The following PDE10A variants were observed in gnomAD, a reference collection of about 807,000 sequenced individuals.
The protein encoded by PDE10A is phosphodiesterase 10A.
A neutral mutation model predicts 97.7 loss-of-function variants in PDE10A; 39 were observed. The ratio of observed to expected loss-of-function variants is 0.40; its 90% confidence interval spans 0.31 to 0.52. The LOEUF is 0.52. Among genes scored for constraint, PDE10A ranks in the 20% least tolerant of loss-of-function variants. The pLI is 0.56. For synonymous variants in PDE10A, 371 were observed against 376.8 expected (o/e 0.98, Z 0.18); for missense variants, 731 against 1,047.8 (o/e 0.70, Z 4.17).
chr6:165,595,358 G>A (rs986200961), intron 1 of PDE10A, among the ~76,000 whole-genome samples: 8 of 152,180 alleles, frequency 5.3e-5, no homozygotes, highest in African/African-American at 1.2e-4. Flanking sequence ...AAGAAAACTG[G>A]CTCAATTATC....
intron 18 of PDE10A, among the ~76,000 whole-genome samples, chr6:165,367,184 T>G (rs1278976982): frequency 6.6e-6 from 1 of 151,106 alleles, no homozygotes; most frequent in African/African-American, 2.4e-5. Flanking sequence ...TAAAAATGAA[T>G]GAAAAGGAAA....
intron 1 of PDE10A, among the ~76,000 whole-genome samples, chr6:165,604,518 TAAAAA>T (rs34272357): frequency 1.5e-5 from 2 of 137,766 alleles, no homozygotes; most frequent in Non-Finnish European, 3.1e-5. Context: ...CTCTCTTTGT[TAAAAA>T]AAAAAAAAAA....
At chr6:165,936,942 G>T (rs167269) in intron 1 of PDE10A, among the ~76,000 whole-genome samples, 4 of 152,176 alleles carry the variant, frequency 2.6e-5, no homozygotes, top group African/African-American at 9.7e-5. Flanking sequence ...TAAGACCTTT[G>T]CTGTGAGTAT....
At chr6:165,723,652 A>G (rs553362675) in intron 1 of PDE10A, among the ~76,000 whole-genome samples, 2 of 152,326 alleles carry the variant, frequency 1.3e-5, no homozygotes, top group East Asian at 3.9e-4. Flanking sequence ...TTAGTTCTGT[A>G]CTTTAGAAAT....
chr6:165,940,784 G>A (rs1187531478), intron 1 of PDE10A: 1 of 152,246 alleles, frequency 6.6e-6, no homozygotes, highest in Non-Finnish European at 1.5e-5. Context: ...AAAGTGAAAT[G>A]TGATTAGTTG....
At chr6:165,916,337 A>G (rs1001816706) in intron 1 of PDE10A, among the ~76,000 whole-genome samples, 2 of 152,252 alleles carry the variant, frequency 1.3e-5, no homozygotes, top group African/African-American at 4.8e-5. Context: ...CTGGGTCAGT[A>G]AGAACTCAGA....
rs543801932 is a variant in PDE10A, at chr6:165,865,366, T to C, written c.-615+122163A>G. 3.9e-5 allele frequency among the ~76,000 whole-genome samples: 6 copies of C among 152,056 alleles called. No homozygotes were observed. In the East Asian group the frequency reaches 1.2e-3, roughly 29 times the overall value. On this transcript the variant is annotated intron_variant, in intron 1 of 19. Coordinates refer to the PDE10A transcript ENST00000366882. The stretch of plus-strand genomic sequence containing the variant: ...GTTAAACTAGATCCAAATATATCAA[T>C]GTAAGGACATGAGAAACATGAAAAG...
chr6:165,450,983 G>T (rs2128250075), intron 3 of PDE10A, among the ~76,000 whole-genome samples: 1 of 152,270 alleles, frequency 6.6e-6, no homozygotes, highest in East Asian at 1.9e-4. Flanking sequence ...AACTTGATTA[G>T]TAAAAATAAT....
At chr6:165,471,099 C>T (rs1224936259) in intron 3 of PDE10A, among the ~76,000 whole-genome samples, 1 of 152,140 alleles carries the variant, frequency 6.6e-6, no homozygotes, top group Non-Finnish European at 1.5e-5. Context: ...ACCAATGACC[C>T]CACACTGCCA....
intron 1 of PDE10A, among the ~76,000 whole-genome samples, chr6:165,961,611 G>A (rs1165614595): frequency 6.6e-6 from 1 of 152,194 alleles, no homozygotes; most frequent in Non-Finnish European, 1.5e-5. Context: ...CCACAAGCTT[G>A]GAAAGCTGTG....
chr6:165,800,325 G>C (rs1263251057), intron 1 of PDE10A, among the ~76,000 whole-genome samples: 1 of 152,204 alleles, frequency 6.6e-6, no homozygotes, highest in Non-Finnish European at 1.5e-5. Flanking sequence ...CCCTGGGACT[G>C]TCTGCCTGTA....
intron 1 of PDE10A, among the ~76,000 whole-genome samples, chr6:165,826,480 C>CCCACGTCCCTCTGT (rs1405560335): frequency 1.2e-4 from 15 of 122,016 alleles, no homozygotes; most frequent in Non-Finnish European, 2.7e-4. Context: ...TCCACCTGTC[C>CCCACGTCCCTCTGT]CCACGTCCCT....
chr6:165,753,965 G>C (rs528634479), intron 1 of PDE10A, among the ~76,000 whole-genome samples: 1 of 152,218 alleles, frequency 6.6e-6, no homozygotes, highest in East Asian at 1.9e-4. Context: ...AAACATGTAG[G>C]CAAGGTATTC....
upstream of PDE10A, among the ~76,000 whole-genome samples, chr6:165,665,231 CAG>C (rs1790468548): frequency 6.6e-6 from 1 of 152,232 alleles, no homozygotes; most frequent in Admixed American, 6.5e-5. Context: ...CTGTAAGTCT[CAG>C]AGGCATTCAG....
intron 1 of PDE10A, among the ~76,000 whole-genome samples, chr6:165,736,850 A>G (rs944955273): frequency 6.6e-6 from 1 of 152,216 alleles, no homozygotes; most frequent in South Asian, 2.1e-4. Context: ...AACAATAGAA[A>G]AGATCAATGG....
intron 2 of PDE10A, among the ~76,000 whole-genome samples, chr6:165,491,932 G>A (rs1780251797): frequency 6.6e-6 from 1 of 151,792 alleles, no homozygotes; most frequent in South Asian, 2.1e-4. Context: ...GTGGTTCTTT[G>A]AAAACATCCA....
chr6:165,373,926 T>C (rs1312561661), intron 18 of PDE10A, among the ~76,000 whole-genome samples: 1 of 151,694 alleles, frequency 6.6e-6, no homozygotes, highest in African/African-American at 2.4e-5. Context: ...TTCATGTCCT[T>C]TGTAGGGACA....
intron 1 of PDE10A, among the ~76,000 whole-genome samples, chr6:165,903,224 G>A (rs1782163327): frequency 1.3e-5 from 2 of 152,156 alleles, no homozygotes; most frequent in African/African-American, 4.8e-5. Context: ...GAGCTCATTG[G>A]AAAATATTAA....
At chr6:165,346,349 A>G (rs1782307555) in intron 18 of PDE10A, among the ~76,000 whole-genome samples, 1 of 152,152 alleles carries the variant, frequency 6.6e-6, no homozygotes, top group Admixed American at 6.5e-5. Flanking sequence ...GTAGAGCCAA[A>G]TGCAAATTAT....
Sources: allele counts gnomAD v4.1 joint callset (sites outside exome capture counted in the v4.1 genomes callset), GRCh38; gene constraint gnomAD v4.1.1; transcripts MANE v1.5; gene names NCBI Gene and HGNC (gene_info 2026-07-23, HGNC 2026-07-21).